The following DNAH2 variants were observed in gnomAD, a reference collection of about 807,000 sequenced individuals.
The protein encoded by DNAH2 is dynein axonemal heavy chain 2.
In DNAH2, 323 loss-of-function variants were observed where a neutral mutation model predicts 523.5. The ratio of observed to expected loss-of-function variants is 0.62; its 90% confidence interval spans 0.56 to 0.68. The LOEUF (loss-of-function observed/expected upper bound fraction) is 0.68. Among genes scored for constraint, DNAH2 ranks in the 30% least tolerant of loss-of-function variants. The probability of loss-of-function intolerance (pLI) is 0.00; values close to 1 mark genes in which losing one functional copy is unlikely to be tolerated. For synonymous variants in DNAH2, 2,093 were observed against 2,177.4 expected, an observed-to-expected ratio of 0.96 and a Z score of 1.08; for missense variants, 4,907 against 5,701.5, an observed-to-expected ratio of 0.86 and a Z score of 4.49.
intron 69 of DNAH2, 69 bp downstream of exon 69, chr17:7,818,529 G>T: frequency 6.2e-7 from 1 of 1,604,372 alleles, no homozygotes; most frequent in Non-Finnish European, 8.5e-7. Flanking sequence ...TTGAGAAAAG[G>T]GATAAGCTTG....
At chr17:7,750,784 C>A (rs1358139798) in intron 12 of DNAH2, among the ~76,000 whole-genome samples, 1 of 151,940 alleles carries the variant, frequency 6.6e-6, no homozygotes, top group African/African-American at 2.4e-5. Flanking sequence ...AACAGCATTT[C>A]TTCTTCCACA....
chr17:7,786,369 T>C lies in DNAH2; in HGVS notation c.6348+27T>C, dbSNP rs1196862024. ...TACGGGGCTGGGACAGTGGAGTCAG[T>C]GGGCAGAGACTTGAGTAGTAAGAAG... On this transcript the variant is annotated intron_variant, in intron 40 of 85. Coordinates refer to ENST00000572933, the MANE Select transcript of DNAH2 (RefSeq NM_020877.5). The surrounding 1 kb of genome is among the most constrained non-coding windows in gnomAD (Gnocchi z 7.5). The C allele has an allele frequency of 6.2e-7, 1 of 1,602,832 alleles. No individual in the cohort carries two copies. The highest frequency in any genetic ancestry group is 1.1e-5 in the South Asian group (1 of 90,726).
intron 7 of DNAH2, 68 bp from the exon 8 acceptor site, chr17:7,736,999 A>G: frequency 1.5e-6 from 2 of 1,358,566 alleles, no homozygotes; most frequent in Non-Finnish European, 2.0e-6. Context: ...ATAAATAAAT[A>G]AAAGCACTTG....
Position 7,832,568 on chromosome 17 carries a change from T to G in DNAH2, c.12727-11T>G. The G allele has an allele frequency of 6.2e-7, 1 of 1,613,228 alleles. No homozygotes were observed. Among genetic ancestry groups the G allele is most frequent in the South Asian group, 1.1e-5 (1 of 91,014 alleles). ...GCTAAATGAGTGAATACACACGCAC[T>G]CCTTCCCCAGGCATACCCCTCACAA... On this transcript the variant is annotated splice_polypyrimidine_tract_variant and intron_variant, in intron 82 of 85. Coordinates refer to ENST00000572933, the MANE Select transcript of DNAH2 (RefSeq NM_020877.5). This position sits in a 1 kb window ranked among gnomAD's most constrained non-coding sequence, Gnocchi z 4.3.
intron 8 of DNAH2, among the ~76,000 whole-genome samples, chr17:7,738,522 G>A (rs138213906): frequency 0.022 from 3,355 of 152,012 alleles, 63 homozygotes; most frequent in South Asian, 0.085. Flanking sequence ...GTAGAGACAG[G>A]GTTTCACCGT....
intron 48 of DNAH2, among the ~76,000 whole-genome samples, chr17:7,793,496 T>TTTCA (rs2076970418): frequency 7.3e-6 from 1 of 137,676 alleles, no homozygotes; most frequent in East Asian, 1.9e-4. Context: ...TCTTTCTTTC[T>TTTCA]TTCTTTCTTT....
In DNAH2 at chr17:7,770,604, A is replaced by G. The variant is rs9910089; in HGVS notation, c.4146A>G (p.Ile1382Met). The change falls in exon 26 of 86, where the codon ATA becomes ATG. Residue 1382 changes from isoleucine to methionine, a missense_variant. Around this residue, in one of 3 missense-constraint regions of DNAH2, gnomAD observed 2,806 missense variants for 3,190.8 expected, o/e 0.88. Transcript: ENST00000572933. ...AKTWDVTQLD[I>M]VPYKDKGHHR... is the part of the protein sequence containing the mutation. ...CCTGGGATGTGACTCAGCTCGACAT[A>G]GTACCCTACAAGGATAAGGGCCATC... 6.2e-7 allele frequency: 1 copy of G among 1,613,910 alleles called. No individual in the cohort carries two copies. Among genetic ancestry groups the G allele is most frequent in the African/African-American group, 1.3e-5 (1 of 74,882 alleles).
rs991292564 is a variant in DNAH2 at position 7,733,178 on chromosome 17, G to A, written c.491G>A (p.Arg164Gln). The change falls in exon 5 of 86, where the codon CGG (arginine) becomes CAG (glutamine). Residue 164 changes from arginine to glutamine, a missense_variant. Coordinates refer to ENST00000572933, the MANE Select transcript of DNAH2 (RefSeq NM_020877.5). Reference sequence around the variant, plus strand: ...GCAACTGTGCAGTTTGGGACGGTGCGGGGCCCCTATATCCCGGCCCTGCTT... The same window carrying A: ...GCAACTGTGCAGTTTGGGACGGTGCAGGGCCCCTATATCCCGGCCCTGCTT... ...FEATVQFGTVRGPYIPALLRL... is the reference protein window; with the variant it reads ...FEATVQFGTVQGPYIPALLRL... The A allele has an allele frequency of 2.5e-5, 41 of 1,614,030 alleles. No individual in the cohort carries two copies. Among genetic ancestry groups the A allele is most frequent in the Admixed American group, 3.3e-5 (2 of 59,978 alleles).
chr17:7,776,529 G>A (rs2076457514), intron 31 of DNAH2, among the ~76,000 whole-genome samples: 1 of 152,122 alleles, frequency 6.6e-6, no homozygotes, highest in South Asian at 2.1e-4. Context: ...TTAAAAGGAG[G>A]TGGCCAGTGG....
chr17:7,726,931 T>A (rs935335496), intron 3 of DNAH2, among the ~76,000 whole-genome samples, 191 bp from the exon 4 acceptor site: 1 of 152,196 alleles, frequency 6.6e-6, no homozygotes, highest in East Asian at 1.9e-4. Flanking sequence ...TTTGTTTTAT[T>A]ACTCTTAGAG....
In DNAH2 at chr17:7,749,312, A is replaced by C. The variant is rs2075610995; in HGVS notation, c.1904+6170A>C. 3.8e-4 allele frequency among the ~76,000 whole-genome samples: 28 copies of C among 74,582 alleles called. 3 individuals carry two copies. Among genetic ancestry groups the C allele is most frequent in the African/African-American group, 2.6e-3 (15 of 5,806 alleles). 48.9% of individuals were successfully genotyped at this position (74,582 alleles called of 152,430 possible). On this transcript the variant is annotated intron_variant, in intron 12 of 85. Coordinates refer to ENST00000572933, the MANE Select transcript of DNAH2 (RefSeq NM_020877.5). ...AACAAGAGCTAAACTCCCCCCCAAA[A>C]AAAAAAAAAAAAAAAAAAAAAAAAA...
intron 2 of DNAH2, among the ~76,000 whole-genome samples, chr17:7,721,994 GTTTGT>G (rs1023095056): frequency 6.6e-6 from 1 of 152,062 alleles, no homozygotes; most frequent in Non-Finnish European, 1.5e-5. Flanking sequence ...CCCAGTTAGT[GTTTGT>G]TTTATTTTTA....
chr17:7,817,460 C>T (rs1418284016), intron 65 of DNAH2, 45 bp downstream of exon 65: 2 of 1,613,430 alleles, frequency 1.2e-6, no homozygotes, highest in African/African-American at 2.7e-5. Context: ...GAGACCAGGG[C>T]TGGGGGCAGG....
chr17:7,833,493 T>C lies in DNAH2; in HGVS notation c.13244T>C (p.Ile4415Thr). ...RSGAMTPDHW[I>T]KRGTALLMSL... The stretch of plus-strand genomic sequence containing the variant: ...GGGGCCATGACACCTGATCATTGGA[T>C]CAAGAGGGGCACTGCTCTACTCATG... The change falls in exon 86 of 86, where the codon ATC (isoleucine) becomes ACC (threonine). Residue 4415 changes from isoleucine (I) to threonine (T), a missense_variant. Ile to Thr is a moderately conservative substitution (Grantham distance 89, BLOSUM62 -1). Around this residue, in one of 3 missense-constraint regions of DNAH2, gnomAD observed 1,851 missense variants for 2,139.4 expected, o/e 0.87. Transcript: ENST00000572933. The C allele has an allele frequency of 6.2e-7, 1 of 1,614,044 alleles. No individual in the cohort carries two copies. Among genetic ancestry groups the C allele is most frequent in the Non-Finnish European group, 8.5e-7 (1 of 1,180,010 alleles).
At position 7,824,340 on chromosome 17, in the gene DNAH2, G is replaced by A. The variant is rs746167129; in HGVS notation, c.11662+36G>A. On this transcript the variant is annotated intron_variant, in intron 76 of 85. Transcript: ENST00000572933. The stretch of plus-strand genomic sequence containing the variant: ...ATCCTTTCTTCCACCCCCATCTTCA[G>A]CCCAGTCCTTGTCCCTAGAACCTCC... 14 of 1,493,706 alleles carry A rather than the reference G, an allele frequency of 9.4e-6. No homozygotes were observed. The African/African-American group carries it at 2.0e-4, about 21-fold the overall frequency. 92.5% of individuals were successfully genotyped at this position (1,493,706 alleles called of 1,614,324 possible). A position where few individuals can be genotyped will look rare whatever the true frequency, so the allele number is the denominator to read the frequency against.
At chr17:7,766,579 G>A in intron 22 of DNAH2, 98 bp downstream of exon 22, 1 of 1,309,410 alleles carries the variant, frequency 7.6e-7, no homozygotes, top group Non-Finnish European at 1.0e-6. Flanking sequence ...GAAGGGAGAG[G>A]AGCTCACAAG....
Position 7,779,344 on chromosome 17 carries a change from C to T in DNAH2, c.5643C>T (p.Ala1881=), listed in dbSNP as rs144218986. The change falls in exon 36 of 86, where the codon GCC becomes GCT. Residue 1881 remains alanine, a synonymous_variant. Coordinates refer to ENST00000572933, the MANE Select transcript of DNAH2 (RefSeq NM_020877.5). ...TGTGCATCCTGTCTGCCCTGGCTGC[C>T]GGCCTCACCCATTTCCATTTTGATG... is the stretch of plus-strand genomic sequence containing the variant. ...QILCILSALA[A]GLTHFHFDGF... 51 of 1,613,978 alleles carry T rather than the reference C, an allele frequency of 3.2e-5. No homozygotes were observed. The African/African-American group carries it at 3.2e-4, about 10-fold the overall frequency.
chr17:7,725,701 G>A (rs553138665), intron 3 of DNAH2, among the ~76,000 whole-genome samples: 25 of 107,654 alleles, frequency 2.3e-4, no homozygotes, highest in African/African-American at 8.7e-4. Flanking sequence ...CCCCCACTCC[G>A]GCCTCCTGAA....
rs1194807393 is a variant in DNAH2, at chr17:7,792,613, AGT to A, written c.7146-42_7146-41del. ...GGAAAGGAAGTGGGAGTTGGAAAGGAGTGGGCGGCTGGTCCTTGAGAGCCGGC... is the reference window on the plus strand; with the variant it reads ...GGAAAGGAAGTGGGAGTTGGAAAGGAGGGCGGCTGGTCCTTGAGAGCCGGC... On this transcript the variant is annotated intron_variant, in intron 46 of 85. Coordinates refer to ENST00000572933, the MANE Select transcript of DNAH2 (RefSeq NM_020877.5). The A allele has an allele frequency of 4.6e-6, 7 of 1,510,050 alleles. No individual in the cohort carries two copies. In the East Asian group the frequency reaches 1.4e-4, roughly 29 times the overall value. The allele number at this position is 1,510,050 out of a possible 1,614,324, so 93.5% of individuals were successfully genotyped here.
Sources: gnomAD v4.1 joint callset for allele counts (sites outside exome capture counted in the v4.1 genomes callset) on GRCh38, gnomAD v4.1.1 for gene constraint, gnomAD v4.1.1 regional missense constraint, Gnocchi (gnomAD v3.1) non-coding constraint, MANE v1.5 for transcripts, NCBI Gene and HGNC (gene_info 2026-07-23, HGNC 2026-07-21) for gene names.